KLHDC4: variants seen among roughly 807,000 people sequenced by gnomAD.
The protein encoded by KLHDC4 is kelch domain-containing protein 4.
In KLHDC4, 90 loss-of-function variants were observed where a neutral mutation model predicts 62.4. That is an observed-to-expected ratio of 1.44 (90% CI 1.22 to 1.72). The LOEUF (loss-of-function observed/expected upper bound fraction) is 1.72. Among genes scored for constraint, KLHDC4 ranks in the 40% most tolerant of loss-of-function variants. KLHDC4 has a pLI of 0.00. For missense variants in KLHDC4, 1,025 were observed against 699.7 expected (o/e 1.47, Z -5.25); for synonymous variants, 386 against 284.4 (o/e 1.36, Z -3.59).
At chr16:87,742,527 T>C (rs947799471) in intron 5 of KLHDC4, among the ~76,000 whole-genome samples, 1 of 152,188 alleles carries the variant, frequency 6.6e-6, no homozygotes, top group Non-Finnish European at 1.5e-5. Flanking sequence ...TCACAGAGGC[T>C]GATGGATCAG....
intron 8 of KLHDC4, among the ~76,000 whole-genome samples, chr16:87,712,026 T>C (rs1165328364): frequency 2.7e-5 from 4 of 148,084 alleles, no homozygotes; most frequent in African/African-American, 1.0e-4. Flanking sequence ...ACGGGGACCC[T>C]CCGCCCTGCA....
chr16:87,709,411 T>G lies in KLHDC4; in HGVS notation c.1301A>C (p.Asn434Thr), dbSNP rs192115185. 1 of 1,613,230 alleles carries G rather than the reference T, an allele frequency of 6.2e-7. No homozygotes were observed. Residue 434 changes from asparagine to threonine, a missense_variant, in exon 10 of 12, where the codon AAC becomes ACC. Coordinates refer to ENST00000270583, the MANE Select transcript of KLHDC4 (RefSeq NM_017566.4). ...CCCATGCTTCACAGCCAGCATGGCG[T>G]TGGAGCGTGGACACGGCCCAGGTGC... The part of the protein sequence containing the change: ...SPAPGPCPRS[N>T]AMLAVKHGVL...
Position 87,728,807 on chromosome 16 carries a change from C to T in KLHDC4, c.599+1745G>A, listed in dbSNP as rs1212623071. On this transcript the variant is annotated intron_variant, in intron 6 of 11. Transcript: ENST00000270583. ...CAGCCTGGCGAACATAGTGAAACCC[C>T]GTCTCTACTAAAAATACAAAAATTA... Among the ~76,000 whole-genome samples, 7 of 152,042 alleles carry T rather than the reference C, an allele frequency of 4.6e-5. No homozygotes were observed. The South Asian group carries it at 6.2e-4, about 14-fold the overall frequency.
At chr16:87,745,626 C>CA (rs1433652854) in intron 5 of KLHDC4, among the ~76,000 whole-genome samples, 1 of 152,230 alleles carries the variant, frequency 6.6e-6, no homozygotes, top group Non-Finnish European at 1.5e-5. Context: ...CAACAGACTG[C>CA]AGTCAACTGT....
chr16:87,726,114 T>C (rs1049156335), intron 7 of KLHDC4, among the ~76,000 whole-genome samples: 4 of 152,070 alleles, frequency 2.6e-5, no homozygotes, highest in Non-Finnish European at 5.9e-5. Context: ...AGTAATCCCA[T>C]GTGAAAGCTT....
chr16:87,725,501 G>T (rs575862596), intron 7 of KLHDC4, among the ~76,000 whole-genome samples: 1 of 152,294 alleles, frequency 6.6e-6, no homozygotes, highest in South Asian at 2.1e-4. Context: ...GATCTAGGAG[G>T]AGTATACAGG....
At position 87,711,442 on chromosome 16, in the gene KLHDC4, G is replaced by A. The variant is rs937875445; in HGVS notation, c.837C>T (p.Asp279=). ...GGTTCATCCGAGTCCAAACCCACTT[G>A]TCTGTCAAAAGAGAACAAGGAAGTG... ...FLLKPEDGRE[D]KWVWTRMNPS... The change falls in exon 9 of 12, where the codon GAC becomes GAT. Residue 279 remains aspartate (D), a splice_region_variant and synonymous_variant. Coordinates refer to ENST00000270583, the MANE Select transcript of KLHDC4 (RefSeq NM_017566.4). The A allele has an allele frequency of 6.2e-7, 1 of 1,607,952 alleles. No homozygotes were observed.
intron 7 of KLHDC4, among the ~76,000 whole-genome samples, chr16:87,722,160 T>A (rs111711794): frequency 8.9e-4 from 136 of 152,336 alleles, no homozygotes; most frequent in African/African-American, 3.1e-3. Context: ...CTGCATCTCT[T>A]TCGTTAGGAT....
chr16:87,709,425 C>T lies in KLHDC4; in HGVS notation c.1287G>A (p.Pro429=), dbSNP rs368514617. 22 of 1,612,974 alleles carry T rather than the reference C, an allele frequency of 1.4e-5. No individual in the cohort carries two copies. Among genetic ancestry groups the T allele is most frequent in the Middle Eastern group, 1.6e-4 (1 of 6,062 alleles). ...CCAGCATGGCGTTGGAGCGTGGACA[C>T]GGCCCAGGTGCGGGGCTGCCGGCCT... ...LEEAGSPAPG[P]CPRSNAMLAV... Residue 429 remains proline (P), a synonymous_variant, in exon 10 of 12, where the codon CCG becomes CCA. Coordinates refer to ENST00000270583, the MANE Select transcript of KLHDC4 (RefSeq NM_017566.4).
chr16:87,737,590 C>CTT (rs10709997), intron 5 of KLHDC4, among the ~76,000 whole-genome samples: 3,001 of 130,338 alleles, frequency 0.023, 125 homozygotes, highest in African/African-American at 0.081. Flanking sequence ...ACAAATCAGT[C>CTT]TTTTTTTTTT....
rs1597527045 is a variant in KLHDC4, at chr16:87,726,766, T to C, written c.758A>G (p.Gln253Arg). 6.8e-7 allele frequency: 1 copy of C among 1,474,954 alleles called. No homozygotes were observed. Among genetic ancestry groups the C allele is most frequent in the Non-Finnish European group, 9.0e-7 (1 of 1,107,954 alleles). The allele number at this position is 1,474,954 out of a possible 1,614,324, so 91.4% of individuals were successfully genotyped here. A position where few individuals can be genotyped will look rare whatever the true frequency, so the allele number is the denominator to read the frequency against. ...CTGTTTCCCCACCCCCCGCCTTACCTGTTTCGAGTAGCCCCCATAGACGAC... is the reference window on the plus strand; with the variant it reads ...CTGTTTCCCCACCCCCCGCCTTACCCGTTTCGAGTAGCCCCCATAGACGAC... ...GIVVYGGYSK[Q>R]RVKKDVDKGT... Residue 253 changes from glutamine to arginine, a missense_variant and splice_region_variant, in exon 7 of 12, where the codon CAG becomes CGG. Gln to Arg is a conservative substitution (Grantham distance 43, BLOSUM62 1). Coordinates refer to ENST00000270583, the MANE Select transcript of KLHDC4 (RefSeq NM_017566.4).
intron 4 of KLHDC4, among the ~76,000 whole-genome samples, chr16:87,754,870 C>G (rs1431134147): frequency 6.6e-6 from 1 of 152,198 alleles, no homozygotes; most frequent in African/African-American, 2.4e-5. Flanking sequence ...ATCCAGTTCT[C>G]CTGTCTTCAC....
intron 5 of KLHDC4, among the ~76,000 whole-genome samples, chr16:87,732,666 G>T (rs1271771140): frequency 6.6e-6 from 1 of 152,244 alleles, no homozygotes; most frequent in African/African-American, 2.4e-5. Context: ...TGACAAAGAT[G>T]TTTAAGAATT....
At chr16:87,748,946 T>C in intron 4 of KLHDC4, 137 bp from the exon 5 acceptor site, 1 of 946,682 alleles carries the variant, frequency 1.1e-6, no homozygotes, top group East Asian at 2.8e-5. Context: ...TCAGCCACTT[T>C]CCTCTCCTGC....
chr16:87,742,634 CACACA>C (rs1303770064), intron 5 of KLHDC4, among the ~76,000 whole-genome samples: 3 of 152,132 alleles, frequency 2.0e-5, no homozygotes, highest in Admixed American at 2.0e-4. Context: ...ATTCCTCAAC[CACACA>C]TCAACCTGCT....
At chr16:87,738,452 T>G (rs1214641059) in intron 5 of KLHDC4, among the ~76,000 whole-genome samples, 1 of 152,146 alleles carries the variant, frequency 6.6e-6, no homozygotes, top group Non-Finnish European at 1.5e-5. Context: ...ATGTATGCAC[T>G]GTCCGTGAAC....
At chr16:87,731,862 A>C (rs1212550661) in intron 5 of KLHDC4, among the ~76,000 whole-genome samples, 1 of 152,202 alleles carries the variant, frequency 6.6e-6, no homozygotes, top group Non-Finnish European at 1.5e-5. Context: ...TCTCAGAAAC[A>C]AAAAGGAATT....
At chr16:87,737,868 G>A (rs143446686) in intron 5 of KLHDC4, among the ~76,000 whole-genome samples, 1 of 152,058 alleles carries the variant, frequency 6.6e-6, no homozygotes, top group Non-Finnish European at 1.5e-5. Flanking sequence ...TGGGATTACA[G>A]GTGTGAACCA....
At chr16:87,748,630 G>C (rs1356739582) in intron 5 of KLHDC4, 43 bp downstream of exon 5, 1 of 1,612,172 alleles carries the variant, frequency 6.2e-7, no homozygotes, top group East Asian at 2.2e-5. Flanking sequence ...CACAAGCACA[G>C]AAGAGCCATG....
Sources: gnomAD v4.1 joint callset for allele counts (sites outside exome capture counted in the v4.1 genomes callset) on GRCh38, gnomAD v4.1.1 for gene constraint, MANE v1.5 for transcripts, NCBI Gene and HGNC (gene_info 2026-07-23, HGNC 2026-07-21) for gene names.